Variants in GPRC6A observed in about 807,000 individuals in gnomAD.
The protein encoded by GPRC6A is G protein-coupled receptor class C group 6 member A.
A neutral mutation model predicts 47.0 loss-of-function variants in GPRC6A; 54 were observed. The ratio of observed to expected loss-of-function variants is 1.15; its 90% CI spans 0.92 to 1.44. The LOEUF (loss-of-function observed/expected upper bound fraction) is 1.44. GPRC6A is among the 40% of genes most tolerant of loss of function. The pLI is 0.00. For synonymous variants in GPRC6A, 347 were observed against 377.1 expected (o/e 0.92, Z 0.93); for missense variants, 1,112 against 1,105.5 (o/e 1.01, Z -0.08).
intron 1 of GPRC6A, among the ~76,000 whole-genome samples, chr6:116,814,727 A>G (rs1221780096): frequency 6.6e-6 from 1 of 152,154 alleles, no homozygotes; most frequent in East Asian, 1.9e-4. Context: ...AGTTGTGCAC[A>G]TGTACCCTAG....
intron 5 of GPRC6A, among the ~76,000 whole-genome samples, 184 bp downstream of exon 5, chr6:116,795,528 C>A (rs887106296): frequency 6.6e-6 from 1 of 152,090 alleles, no homozygotes. Flanking sequence ...ATTTGCTGTG[C>A]ACCTGTTGAC....
At chr6:116,824,827 C>CA (rs1407927672) in intron 1 of GPRC6A, among the ~76,000 whole-genome samples, 4 of 151,932 alleles carry the variant, frequency 2.6e-5, no homozygotes. Flanking sequence ...GATGAACATA[C>CA]ATGCAAAAAT....
At position 116,818,496 on chromosome 6, in the gene GPRC6A, T is replaced by C. The variant is rs1469916668; in HGVS notation, c.195-8879A>G. Reference sequence around the variant, plus strand: ...TTGCAGTGAGCCGAGATCCCGCCACTGCACTCCAGCCTGGGCGACAGAGCG... The same window carrying C: ...TTGCAGTGAGCCGAGATCCCGCCACCGCACTCCAGCCTGGGCGACAGAGCG... On this transcript the variant is annotated intron_variant, in intron 1 of 5. Transcript: ENST00000310357. Among the ~76,000 whole-genome samples the C allele has an allele frequency of 2.3e-3, 219 of 94,318 alleles. 1 individual carries two copies. Among genetic ancestry groups the C allele is most frequent in the African/African-American group, 8.4e-3 (206 of 24,612 alleles). 61.9% of individuals were successfully genotyped at this position (94,318 alleles called of 152,430 possible). A position where few individuals can be genotyped will look rare whatever the true frequency, so the allele number is the denominator to read the frequency against.
At chr6:116,826,783 G>T (rs6938235) in intron 1 of GPRC6A, among the ~76,000 whole-genome samples, 45,633 of 151,732 alleles carry the variant, frequency 0.3, 7,638 homozygotes, top group East Asian at 0.53. Context: ...CAATAGGAAA[G>T]ATATAGAATC....
intron 3 of GPRC6A, among the ~76,000 whole-genome samples, chr6:116,806,021 C>G (rs1355369134): frequency 6.6e-6 from 1 of 152,048 alleles, no homozygotes; most frequent in Admixed American, 6.6e-5. Context: ...TAGTAAAAAA[C>G]AAAAGGATTA....
chr6:116,802,958 A>T (rs978974229), intron 3 of GPRC6A, among the ~76,000 whole-genome samples: 2 of 152,100 alleles, frequency 1.3e-5, no homozygotes, highest in African/African-American at 4.8e-5. Context: ...AATTACTCTC[A>T]TGTCTCTCTT....
chr6:116,816,616 T>A (rs1041633743), intron 1 of GPRC6A, among the ~76,000 whole-genome samples: 1 of 152,152 alleles, frequency 6.6e-6, no homozygotes, highest in African/African-American at 2.4e-5. Flanking sequence ...TGCATTTCCA[T>A]CTGAGGTACC....
At chr6:116,804,601 CT>C (rs1772781931) in intron 3 of GPRC6A, among the ~76,000 whole-genome samples, 1 of 152,024 alleles carries the variant, frequency 6.6e-6, no homozygotes, top group Non-Finnish European at 1.5e-5. Context: ...CCTTTCTAAT[CT>C]GTTTCTGTTT....
Position 116,792,571 on chromosome 6 carries a change from A to G in GPRC6A, c.2352T>C (p.Ile784=). The stretch of plus-strand genomic sequence containing the variant: ...TGAAGTAAATGAGCATGCCAAATGT[A>G]ATGAATTTGGCTTCATTGTAATTCT... ...KYENYNEAKF[I]TFGMLIYFIA... Residue 784 remains isoleucine (I), a synonymous_variant, in exon 6 of 6, where the codon ATT becomes ATC. Coordinates refer to ENST00000310357, the MANE Select transcript of GPRC6A (RefSeq NM_148963.4). 6.2e-7 allele frequency: 1 copy of G among 1,611,308 alleles called. No individual in the cohort carries two copies.
intron 1 of GPRC6A, among the ~76,000 whole-genome samples, chr6:116,816,103 C>G (rs1177382049): frequency 1.3e-5 from 2 of 152,168 alleles, no homozygotes; most frequent in South Asian, 4.1e-4. Flanking sequence ...GGCTCCCTCC[C>G]AAATCTCATG....
At chr6:116,818,668 G>A (rs966070475) in intron 1 of GPRC6A, among the ~76,000 whole-genome samples, 3 of 143,920 alleles carry the variant, frequency 2.1e-5, no homozygotes, top group East Asian at 2.2e-4. Flanking sequence ...GAGAGATTTT[G>A]TCACCACCAG....
chr6:116,806,550 G>T lies in GPRC6A; in HGVS notation c.1155C>A (p.Ala385=). ...CIFNHSQRTL[A]YKANKAIERN... The stretch of plus-strand genomic sequence containing the variant: ...TTTCTATAGCCTTGTTAGCCTTGTA[G>T]GCCAAAGTCCTTTGAGAATGATTGA... Residue 385 remains alanine (A), a synonymous_variant, in exon 3 of 6, where the codon GCC becomes GCA. Coordinates refer to ENST00000310357, the MANE Select transcript of GPRC6A (RefSeq NM_148963.4). The T allele has an allele frequency of 2.5e-6, 4 of 1,613,580 alleles. No homozygotes were observed. The highest frequency in any genetic ancestry group is 3.4e-6 in the Non-Finnish European group (4 of 1,179,774).
chr6:116,818,250 T>C (rs950977656), intron 1 of GPRC6A, among the ~76,000 whole-genome samples: 3 of 151,866 alleles, frequency 2.0e-5, no homozygotes, highest in African/African-American at 7.3e-5. Flanking sequence ...GAAAAGAATT[T>C]TCGGCCGGGC....
intron 3 of GPRC6A, among the ~76,000 whole-genome samples, chr6:116,802,203 C>G (rs548843002): frequency 6.7e-4 from 102 of 152,208 alleles, no homozygotes; most frequent in African/African-American, 2.3e-3. Flanking sequence ...TTTATGCTTG[C>G]TCTTACAGGA....
rs1437796508 is a variant in GPRC6A at position 116,795,841 on chromosome 6, T to A, written c.1549-6A>T. On this transcript the variant is annotated splice_polypyrimidine_tract_variant and splice_region_variant and intron_variant, in intron 4 of 5. Transcript: ENST00000310357. ...GAGCATTTAGATTGAATTTGCTATA[T>A]TAAAAGTGAAAAAAAAAATCACAAG... The A allele has an allele frequency of 6.4e-7, 1 of 1,569,692 alleles. No homozygotes were observed. The highest frequency in any genetic ancestry group is 8.6e-7 in the Non-Finnish European group (1 of 1,157,058).
At chr6:116,816,105 A>C (rs529546912) in intron 1 of GPRC6A, among the ~76,000 whole-genome samples, 2 of 152,272 alleles carry the variant, frequency 1.3e-5, no homozygotes, top group South Asian at 4.1e-4. Context: ...CTCCCTCCCA[A>C]ATCTCATGTC....
intron 1 of GPRC6A, among the ~76,000 whole-genome samples, chr6:116,824,536 T>G (rs1342917794): frequency 6.6e-6 from 1 of 151,910 alleles, no homozygotes; most frequent in Non-Finnish European, 1.5e-5. Context: ...CTACCAAGAT[T>G]AAATAAGGAA....
chr6:116,818,551 A>T (rs1303466011), intron 1 of GPRC6A, among the ~76,000 whole-genome samples: 4 of 131,320 alleles, frequency 3.0e-5, no homozygotes, highest in African/African-American at 7.9e-5. Flanking sequence ...AAAAAAAAAA[A>T]AAAAAAAAAA....
chr6:116,825,319 T>TCTTATA (rs1356117110), intron 1 of GPRC6A, among the ~76,000 whole-genome samples: 1 of 152,064 alleles, frequency 6.6e-6, no homozygotes, highest in African/African-American at 2.4e-5. Context: ...GTTGATATTA[T>TCTTATA]CTTATATTTA....
Sources: gnomAD v4.1 joint callset for allele counts (sites outside exome capture counted in the v4.1 genomes callset) on GRCh38, gnomAD v4.1.1 for gene constraint, MANE v1.5 for transcripts, NCBI Gene and HGNC (gene_info 2026-07-23, HGNC 2026-07-21) for gene names.